CCDC30: variants seen among roughly 807,000 people sequenced by gnomAD.
CCDC30 encodes coiled-coil domain containing 30.
Under a neutral mutation model 100.2 loss-of-function variants are expected in CCDC30, and 70 were observed. That is an observed-to-expected ratio of 0.70 (90% CI 0.58 to 0.85). CCDC30 has a LOEUF of 0.85. Among genes scored for constraint, CCDC30 ranks in the 40% least tolerant of loss-of-function variants. The pLI is 0.00. For missense variants in CCDC30, 652 were observed against 771.2 expected (o/e 0.85, Z 1.83); for synonymous variants, 233 against 269.5 (o/e 0.86, Z 1.33).
At chr1:42,510,486 G>A (rs528331374) in intron 6 of CCDC30, among the ~76,000 whole-genome samples, 6 of 152,060 alleles carry the variant, frequency 3.9e-5, no homozygotes, top group African/African-American at 1.4e-4. Flanking sequence ...GTGAAAACCC[G>A]TCTTTACTAA....
intron 6 of CCDC30, among the ~76,000 whole-genome samples, chr1:42,546,030 G>T (rs984058719): frequency 6.6e-6 from 1 of 151,622 alleles, no homozygotes; most frequent in African/African-American, 2.4e-5. Context: ...TCTCCAAAAA[G>T]TTCGTCTTTT....
At position 42,575,983 on chromosome 1, in the gene CCDC30, A is replaced by G. The variant is rs1386989705; in HGVS notation, c.637-1037A>G. 2.6e-5 allele frequency among the ~76,000 whole-genome samples: 4 copies of G among 152,212 alleles called. 1 individual carries two copies. The highest frequency in any genetic ancestry group is 4.4e-5 in the Non-Finnish European group (3 of 68,022). ...AACTCTTAATACCAACCAGTGTGACAGGAGTTACAGTGGGAGAAGGAGAAA... is the reference window on the plus strand; with the variant it reads ...AACTCTTAATACCAACCAGTGTGACGGGAGTTACAGTGGGAGAAGGAGAAA... On this transcript the variant is annotated intron_variant, in intron 7 of 16. Coordinates refer to ENST00000668663, the Ensembl canonical transcript of CCDC30.
intron 6 of CCDC30, chr1:42,500,436 C>G: frequency 1.3e-6 from 1 of 781,170 alleles, no homozygotes; most frequent in Non-Finnish European, 2.2e-6. Flanking sequence ...TTTTTTGAGA[C>G]AGAGTCTCGC....
chr1:42,489,841 C>T (rs1644110010), intron 3 of CCDC30: 1 of 169,294 alleles, frequency 5.9e-6, no homozygotes, highest in African/African-American at 2.4e-5. Context: ...ACTGGTAGTA[C>T]CATACCTAAA....
chr1:42,546,394 AAAAAAATATATATATATATATATATAT>A (rs1645135443), intron 6 of CCDC30, among the ~76,000 whole-genome samples: 1 of 21,916 alleles, frequency 4.6e-5, no homozygotes, highest in African/African-American at 1.5e-4. Flanking sequence ...TCAAAAAAAA[AAAAAAATATATATATATATATATATAT>A]ATATATATAT....
intron 6 of CCDC30, among the ~76,000 whole-genome samples, chr1:42,555,394 C>A (rs912003139): frequency 9.2e-5 from 14 of 152,182 alleles, no homozygotes; most frequent in Non-Finnish European, 2.9e-5. Context: ...ATCCATCAGG[C>A]CTTGTATTAC....
At chr1:42,506,605 T>C (rs929829766) in intron 6 of CCDC30, among the ~76,000 whole-genome samples, 1 of 152,182 alleles carries the variant, frequency 6.6e-6, no homozygotes. Flanking sequence ...CTAAAGAAGA[T>C]TGGACATCAT....
chr1:42,575,916 T>C (rs1323784735), intron 7 of CCDC30, among the ~76,000 whole-genome samples: 2 of 152,094 alleles, frequency 1.3e-5, no homozygotes, highest in Admixed American at 6.6e-5. Flanking sequence ...AGGGAAAGCA[T>C]TTCTGGCAGA....
At chr1:42,535,106 G>T (rs1237161731) in intron 6 of CCDC30, 1 of 152,162 alleles carries the variant, frequency 6.6e-6, no homozygotes, top group Non-Finnish European at 1.5e-5. Flanking sequence ...TTCTAGGAAT[G>T]TACATCCTAT....
At chr1:42,544,871 A>G (rs1356311558) in intron 6 of CCDC30, among the ~76,000 whole-genome samples, 1 of 152,214 alleles carries the variant, frequency 6.6e-6, no homozygotes, top group Non-Finnish European at 1.5e-5. Context: ...GAGAACCACT[A>G]TGGAAGAAAG....
At chr1:42,482,008 G>C (rs1305936215) in intron 2 of CCDC30, among the ~76,000 whole-genome samples, 2 of 152,140 alleles carry the variant, frequency 1.3e-5, no homozygotes, top group African/African-American at 4.8e-5. Flanking sequence ...CACGAGGTCA[G>C]GAGTTCGAGA....
At chr1:42,456,286 A>G in the CCDC30 span, 28 of 596,498 alleles carry the variant, frequency 4.7e-5, no homozygotes, top group East Asian at 5.6e-4. Flanking sequence ...AGGGTCAAAC[A>G]TGGCCAGTTC....
At chr1:42,502,235 TGGGCGTGGGACCCTCCGAGCC>T (rs924969955) in intron 6 of CCDC30, among the ~76,000 whole-genome samples, 80 of 149,682 alleles carry the variant, frequency 5.3e-4, no homozygotes, top group South Asian at 8.3e-4. Flanking sequence ...CAAGGCTCCA[TGGGCGTGGGACCCTCCGAGCC>T]GGGCGTGGGA....
intron 15 of CCDC30, among the ~76,000 whole-genome samples, chr1:42,649,490 CATT>C (rs2148696410): frequency 6.6e-6 from 1 of 152,296 alleles, no homozygotes; most frequent in East Asian, 1.9e-4. Context: ...CCACAGCTAA[CATT>C]ATACTCAATG....
intron 15 of CCDC30, among the ~76,000 whole-genome samples, chr1:42,653,080 G>A (rs1648489701): frequency 6.6e-6 from 1 of 152,038 alleles, no homozygotes; most frequent in Admixed American, 6.6e-5. Context: ...AAAATTTTCT[G>A]CAATATCTCC....
chr1:42,622,931 G>C (rs1646868167), intron 11 of CCDC30, among the ~76,000 whole-genome samples: 1 of 152,088 alleles, frequency 6.6e-6, no homozygotes, highest in South Asian at 2.1e-4. Context: ...ATTTTAACTG[G>C]GGTGCGATGA....
chr1:42,537,068 G>A (rs918761390), intron 6 of CCDC30: 12 of 404,500 alleles, frequency 3.0e-5, no homozygotes, highest in South Asian at 1.9e-4. Context: ...TCAGTCCATA[G>A]CACTGTAGAA....
At chr1:42,530,329 TTTATTA>T (rs1270257438) in intron 6 of CCDC30, among the ~76,000 whole-genome samples, 4 of 152,236 alleles carry the variant, frequency 2.6e-5, no homozygotes, top group Non-Finnish European at 5.9e-5. Flanking sequence ...ACAGTATATT[TTTATTA>T]TTATTGTTGC....
chr1:42,456,938 C>T, the CCDC30 span: 1 of 1,607,626 alleles, frequency 6.2e-7, no homozygotes, highest in Admixed American at 1.7e-5. Context: ...GGAGAATGCA[C>T]TTCCGGGTTT....
Sources: allele counts gnomAD v4.1 joint callset (sites outside exome capture counted in the v4.1 genomes callset), GRCh38; gene constraint gnomAD v4.1.1; transcripts MANE v1.5; gene names NCBI Gene and HGNC (gene_info 2026-07-23, HGNC 2026-07-21).